Variants in TTC28 observed in about 807,000 individuals in gnomAD.
TTC28 encodes the protein tetratricopeptide repeat protein 28.
TTC28 carries 61 observed loss-of-function variants against 198.0 expected under a neutral mutation model. The ratio of observed to expected loss-of-function variants is 0.31; its 90% confidence interval spans 0.25 to 0.38. The LOEUF (loss-of-function observed/expected upper bound fraction) is 0.38. TTC28 is among the 10% of genes least tolerant of loss of function. The pLI, the probability that TTC28 is intolerant of heterozygous loss-of-function variation, is 1.00. For synonymous variants in TTC28, 1,171 were observed against 1,297.8 expected, an observed-to-expected ratio of 0.90 and a Z score of 2.10; for missense variants, 2,678 against 3,164.0, an observed-to-expected ratio of 0.85 and a Z score of 3.69.
chr22:28,283,412 G>A (rs1009807086), intron 5 of TTC28, among the ~76,000 whole-genome samples: 7 of 152,012 alleles, frequency 4.6e-5, no homozygotes, highest in African/African-American at 1.7e-4. Flanking sequence ...AGCACATAGT[G>A]TAGAAAATGT....
chr22:28,562,489 A>T (rs1358164049), intron 2 of TTC28, among the ~76,000 whole-genome samples: 1 of 152,214 alleles, frequency 6.6e-6, no homozygotes, highest in African/African-American at 2.4e-5. Context: ...TCTCAAACCA[A>T]TTGCCACTGC....
intron 5 of TTC28, among the ~76,000 whole-genome samples, chr22:28,165,166 T>C (rs1468566215): frequency 1.3e-5 from 2 of 152,050 alleles, no homozygotes; most frequent in African/African-American, 4.8e-5. Flanking sequence ...CTCCAAGAAA[T>C]ATGGGACTAT....
At position 28,367,472 on chromosome 22, in the gene TTC28, A is replaced by T. The variant is rs140248740; in HGVS notation, c.382-60829T>A. On this transcript the variant is annotated intron_variant, in intron 2 of 22. Coordinates refer to ENST00000397906, the MANE Select transcript of TTC28 (RefSeq NM_001145418.2). ...GGGAAATTTATGACTATAAGTGCTG[A>T]CATCAAAAAGAAGAAAAACCTCAAA... Among the ~76,000 whole-genome samples, 4 of 152,108 alleles carry T rather than the reference A, an allele frequency of 2.6e-5. No individual in the cohort carries two copies. The East Asian group carries it at 7.7e-4, about 29-fold the overall frequency.
At chr22:28,586,559 G>C (rs2050322378) in intron 2 of TTC28, among the ~76,000 whole-genome samples, 1 of 152,084 alleles carries the variant, frequency 6.6e-6, no homozygotes, top group African/African-American at 2.4e-5. Context: ...ATTAAAACCT[G>C]ATGATCTTTC....
At chr22:28,408,707 C>T (rs1040772536) in intron 2 of TTC28, among the ~76,000 whole-genome samples, 1 of 152,200 alleles carries the variant, frequency 6.6e-6, no homozygotes, top group African/African-American at 2.4e-5. Flanking sequence ...CATTTTAAAA[C>T]TCAATCTTAA....
At chr22:28,433,547 C>T (rs1222065228) in intron 2 of TTC28, among the ~76,000 whole-genome samples, 1 of 152,088 alleles carries the variant, frequency 6.6e-6, no homozygotes. Context: ...TAGCAAAAGC[C>T]TAGGCTAAAA....
chr22:28,196,092 T>C (rs1024480733), intron 5 of TTC28, among the ~76,000 whole-genome samples: 10 of 151,814 alleles, frequency 6.6e-5, no homozygotes, highest in Non-Finnish European at 1.2e-4. Flanking sequence ...AACAGAGATA[T>C]AGACCAATGG....
chr22:28,544,421 T>C (rs937236630), intron 2 of TTC28, among the ~76,000 whole-genome samples: 13 of 152,198 alleles, frequency 8.5e-5, no homozygotes, highest in Non-Finnish European at 1.6e-4. Context: ...TTAACAAGTC[T>C]CATCAAACTA....
At chr22:28,092,703 G>C (rs554875032) in intron 12 of TTC28, among the ~76,000 whole-genome samples, 43 of 152,272 alleles carry the variant, frequency 2.8e-4, no homozygotes, top group South Asian at 6.2e-4. Context: ...GTCTAACCTA[G>C]TTTATTATGG....
At chr22:28,290,706 T>C (rs1054193121) in intron 5 of TTC28, among the ~76,000 whole-genome samples, 1 of 152,148 alleles carries the variant, frequency 6.6e-6, no homozygotes. Context: ...GAGCCAGGAC[T>C]TTGAGACCAA....
chr22:28,549,637 T>C (rs2049621776), intron 2 of TTC28, among the ~76,000 whole-genome samples: 1 of 152,230 alleles, frequency 6.6e-6, no homozygotes, highest in African/African-American at 2.4e-5. Flanking sequence ...ATTAATCAAC[T>C]GTTTGCCAAT....
At chr22:28,147,505 G>A (rs1181512722) in intron 6 of TTC28, among the ~76,000 whole-genome samples, 2 of 152,158 alleles carry the variant, frequency 1.3e-5, no homozygotes, top group Non-Finnish European at 1.5e-5. Context: ...AAATGCTACA[G>A]CTTTATCTCT....
chr22:28,427,366 A>T (rs948893990), intron 2 of TTC28, among the ~76,000 whole-genome samples: 1 of 152,090 alleles, frequency 6.6e-6, no homozygotes, highest in Non-Finnish European at 1.5e-5. Context: ...CTGTAAGAGG[A>T]AAAAAGGCCG....
chr22:28,041,315 C>A (rs1939630861), intron 12 of TTC28, among the ~76,000 whole-genome samples: 1 of 152,216 alleles, frequency 6.6e-6, no homozygotes, highest in Admixed American at 6.5e-5. Flanking sequence ...AGGCATCAAG[C>A]TACCTGACTT....
intron 5 of TTC28, among the ~76,000 whole-genome samples, chr22:28,267,994 G>A (rs369666976): frequency 6.6e-6 from 1 of 152,008 alleles, no homozygotes; most frequent in Non-Finnish European, 1.5e-5. Context: ...AAACCTAAAG[G>A]GTATGTCAAC....
chr22:28,341,161 A>T (rs1190662530), intron 2 of TTC28, among the ~76,000 whole-genome samples: 1 of 152,236 alleles, frequency 6.6e-6, no homozygotes, highest in Non-Finnish European at 1.5e-5. Context: ...TTGGTAATTC[A>T]GATGAATTGA....
chr22:28,246,496 C>T (rs1930106234), intron 5 of TTC28, among the ~76,000 whole-genome samples: 1 of 152,084 alleles, frequency 6.6e-6, no homozygotes, highest in African/African-American at 2.4e-5. Flanking sequence ...TCTTATATTG[C>T]TACTTGTTTC....
At chr22:28,234,849 T>C (rs965925899) in intron 5 of TTC28, among the ~76,000 whole-genome samples, 32 of 152,176 alleles carry the variant, frequency 2.1e-4, no homozygotes, top group African/African-American at 7.7e-4. Context: ...ACTAGAATTG[T>C]GATGCTAAAT....
intron 4 of TTC28, among the ~76,000 whole-genome samples, chr22:28,296,815 C>A (rs1296840778): frequency 1.3e-5 from 2 of 152,128 alleles, no homozygotes; most frequent in African/African-American, 2.4e-5. Context: ...TAATCATAAG[C>A]CATACTTATT....
Sources: gnomAD v4.1 joint callset for allele counts (sites outside exome capture counted in the v4.1 genomes callset) on GRCh38, gnomAD v4.1.1 for gene constraint, MANE v1.5 for transcripts, NCBI Gene and HGNC (gene_info 2026-07-23, HGNC 2026-07-21) for gene names.